BBS9: variants seen among roughly 807,000 people sequenced by gnomAD.
BBS9 encodes Bardet-Biedl syndrome 9.
BBS9 carries 89 observed loss-of-function variants against 117.7 expected under a neutral mutation model. The ratio of observed to expected loss-of-function variants is 0.76; its 90% CI spans 0.64 to 0.90. The LOEUF (loss-of-function observed/expected upper bound fraction) is 0.90. Among genes scored for constraint, BBS9 ranks in the 40% least tolerant of loss-of-function variants. The probability of loss-of-function intolerance (pLI) is 0.00; values close to 1 mark genes in which losing one functional copy is unlikely to be tolerated. For synonymous variants in BBS9, 379 were observed against 370.9 expected, an observed-to-expected ratio of 1.02 and a Z score of -0.25; for missense variants, 982 against 1,042.2, an observed-to-expected ratio of 0.94 and a Z score of 0.80.
At chr7:33,199,007 T>C (rs529262458) in intron 5 of BBS9, among the ~76,000 whole-genome samples, 8 of 152,134 alleles carry the variant, frequency 5.3e-5, no homozygotes, top group African/African-American at 1.9e-4. Context: ...TTATTCAAAA[T>C]TCTGTTATTC....
At chr7:33,633,586 G>A (rs1755360509) in intron 21 of BBS9, among the ~76,000 whole-genome samples, 1 of 147,088 alleles carries the variant, frequency 6.8e-6, no homozygotes, top group Admixed American at 6.9e-5. Flanking sequence ...CCAGGTAAAT[G>A]CTAAAATACA....
intron 19 of BBS9, among the ~76,000 whole-genome samples, chr7:33,474,408 T>C (rs1841507539): frequency 6.6e-6 from 1 of 152,214 alleles, no homozygotes; most frequent in South Asian, 2.1e-4. Context: ...CCCCTTAACT[T>C]TAATTTTTTT....
chr7:33,241,237 T>C (rs1476051367), intron 5 of BBS9, among the ~76,000 whole-genome samples: 1 of 152,112 alleles, frequency 6.6e-6, no homozygotes, highest in Non-Finnish European at 1.5e-5. Context: ...GAAGACTAGG[T>C]AGGCAAAGCT....
At chr7:33,571,275 T>C (rs1857737893) in intron 21 of BBS9, among the ~76,000 whole-genome samples, 2 of 152,104 alleles carry the variant, frequency 1.3e-5, no homozygotes, top group Admixed American at 1.3e-4. Flanking sequence ...GGGTTATCGA[T>C]TGACTTTTGA....
intron 19 of BBS9, among the ~76,000 whole-genome samples, chr7:33,393,372 A>G (rs1254717160): frequency 6.6e-6 from 1 of 152,134 alleles, no homozygotes; most frequent in Non-Finnish European, 1.5e-5. Flanking sequence ...CTTCATGGGC[A>G]TGTCACCTGC....
intron 19 of BBS9, among the ~76,000 whole-genome samples, chr7:33,434,481 G>A (rs552930805): frequency 1.3e-5 from 2 of 152,178 alleles, no homozygotes; most frequent in Admixed American, 1.3e-4. Flanking sequence ...TCTTTTCTTA[G>A]TGTGTAATTT....
intron 21 of BBS9, among the ~76,000 whole-genome samples, chr7:33,584,543 AT>A (rs905121478): frequency 2.0e-5 from 3 of 150,860 alleles, no homozygotes; most frequent in African/African-American, 4.9e-5. Flanking sequence ...TGGAATCTCT[AT>A]TTTTTTTTGA....
At chr7:33,420,235 TA>T (rs897706035) in intron 19 of BBS9, among the ~76,000 whole-genome samples, 3 of 152,166 alleles carry the variant, frequency 2.0e-5, no homozygotes, top group African/African-American at 7.2e-5. Flanking sequence ...TTATCTTCTG[TA>T]AAATGGGGAT....
intron 19 of BBS9, among the ~76,000 whole-genome samples, chr7:33,403,052 A>G (rs907469635): frequency 6.6e-6 from 1 of 152,148 alleles, no homozygotes; most frequent in African/African-American, 2.4e-5. Flanking sequence ...ATAGTATTCC[A>G]TGGTGTTTAT....
intron 17 of BBS9, among the ~76,000 whole-genome samples, chr7:33,379,074 G>A (rs1302700725): frequency 6.6e-6 from 1 of 152,172 alleles, no homozygotes; most frequent in Admixed American, 6.5e-5. Context: ...ATAATGTCTT[G>A]TTATAGTGCA....
intron 1 of BBS9, among the ~76,000 whole-genome samples, chr7:33,141,790 C>G (rs1471139742): frequency 6.6e-6 from 1 of 152,032 alleles, no homozygotes; most frequent in Non-Finnish European, 1.5e-5. Context: ...ACCTAGCAAC[C>G]ACCTATCTGT....
intron 11 of BBS9, among the ~76,000 whole-genome samples, chr7:33,343,884 CATACCTT>C (rs1817032641): frequency 6.6e-6 from 1 of 152,036 alleles, no homozygotes; most frequent in South Asian, 2.1e-4. Flanking sequence ...CAGAATAACA[CATACCTT>C]ACACAGGGTG....
At chr7:33,168,311 C>T (rs548132104) in intron 4 of BBS9, among the ~76,000 whole-genome samples, 1 of 152,146 alleles carries the variant, frequency 6.6e-6, no homozygotes, top group African/African-American at 2.4e-5. Context: ...TTCGTTTAGC[C>T]AAAGTGATAA....
chr7:33,182,737 A>G (rs1325010697), intron 5 of BBS9, among the ~76,000 whole-genome samples: 1 of 152,190 alleles, frequency 6.6e-6, no homozygotes, highest in Admixed American at 6.5e-5. Context: ...ATATAAATAC[A>G]CAGACAAAAG....
At chr7:33,176,083 G>A (rs1562738536) in intron 4 of BBS9, among the ~76,000 whole-genome samples, 2 of 152,152 alleles carry the variant, frequency 1.3e-5, no homozygotes, top group African/African-American at 4.8e-5. Flanking sequence ...TGGTACAAGG[G>A]AGGGAGACTT....
intron 21 of BBS9, among the ~76,000 whole-genome samples, chr7:33,549,071 AAACAGAGTTATAGATCAATGG>A (rs1346715126): frequency 6.6e-6 from 1 of 150,480 alleles, no homozygotes; most frequent in East Asian, 1.9e-4. Flanking sequence ...ACTGGTACCA[AAACAGAGTTATAGATCAATGG>A]AACAGAACAG....
chr7:33,453,813 T>C (rs1340589119), intron 19 of BBS9, among the ~76,000 whole-genome samples: 3 of 152,202 alleles, frequency 2.0e-5, no homozygotes, highest in Non-Finnish European at 4.4e-5. Context: ...AGCCACCTTA[T>C]GTCTTTCTTA....
chr7:33,340,786 G>T (rs2128635722), intron 10 of BBS9, 111 bp from the exon 11 acceptor site: 1 of 816,220 alleles, frequency 1.2e-6, no homozygotes, highest in East Asian at 2.7e-5. Flanking sequence ...CAACTTGTGA[G>T]TATGTTTATG....
At chr7:33,498,117 A>T (rs1435473771) in intron 19 of BBS9, among the ~76,000 whole-genome samples, 1 of 152,166 alleles carries the variant, frequency 6.6e-6, no homozygotes, top group Admixed American at 6.5e-5. Flanking sequence ...CAAAAGTTCT[A>T]CAACTAATAA....
Sources: allele counts gnomAD v4.1 joint callset (sites outside exome capture counted in the v4.1 genomes callset), GRCh38; gene constraint gnomAD v4.1.1; transcripts MANE v1.5; gene names NCBI Gene and HGNC (gene_info 2026-07-23, HGNC 2026-07-21).